ERCC6: variants seen among roughly 807,000 people sequenced by gnomAD.
ERCC6 encodes the protein ERCC excision repair 6, chromatin remodeling factor, also known as DNA excision repair protein ERCC-6.
A neutral mutation model predicts 158.7 loss-of-function variants in ERCC6; 116 were observed. The observed-to-expected ratio is 0.73, with a 90% CI of 0.63 to 0.85. ERCC6 has a LOEUF of 0.85. Among genes scored for constraint, ERCC6 ranks in the 40% least tolerant of loss-of-function variants. The pLI, the probability that ERCC6 is intolerant of heterozygous loss-of-function variation, is 0.00. For missense variants in ERCC6, 1,698 were observed against 1,799.4 expected, an observed-to-expected ratio of 0.94 and a Z score of 1.02; for synonymous variants, 678 against 659.3, an observed-to-expected ratio of 1.03 and a Z score of -0.43.
intron 10 of ERCC6, among the ~76,000 whole-genome samples, chr10:49,481,656 C>T (rs1206333640): frequency 1.3e-5 from 2 of 152,318 alleles, no homozygotes; most frequent in East Asian, 3.9e-4. Flanking sequence ...CTATGGCTAA[C>T]TTCACCTCCT....
chr10:49,441,116 T>C, the ERCC6 span, among the ~76,000 whole-genome samples: 6 of 152,240 alleles, frequency 3.9e-5, no homozygotes, highest in Non-Finnish European at 5.9e-5. Flanking sequence ...CTGGTTTCAG[T>C]TGACAAAATA....
Position 49,470,880 on chromosome 10 carries a change from G to C in ERCC6, c.3080C>G (p.Ser1027Ter). The change falls in exon 18 of 21, where the codon TCA becomes TGA. Residue 1027 changes from serine to a stop codon, truncating the protein, a stop_gained. Coordinates refer to ENST00000355832, the MANE Select transcript of ERCC6 (RefSeq NM_000124.4). LOFTEE classifies it high-confidence loss of function. ...ATGGCATTTGGGTGTCTGAACATCT[G>C]ATCCAGTTCCTGTAAAGAGGAAAAA... Reference protein sequence around the residue: ...ETSAIFAGTGSDVQTPKCHLK... With the variant: ...ETSAIFAGTG 1.9e-6 allele frequency: 3 copies of C among 1,613,744 alleles called. No individual in the cohort carries two copies. Among genetic ancestry groups the C allele is most frequent in the Non-Finnish European group, 2.5e-6 (3 of 1,179,804 alleles).
chr10:49,497,462 A>T (rs1409430472), intron 7 of ERCC6, among the ~76,000 whole-genome samples: 1 of 152,236 alleles, frequency 6.6e-6, no homozygotes, highest in Non-Finnish European at 1.5e-5. Flanking sequence ...TGCTACATTG[A>T]TGACTCACAT....
chr10:49,486,709 C>A (rs909873832), intron 8 of ERCC6, among the ~76,000 whole-genome samples: 3 of 152,144 alleles, frequency 2.0e-5, no homozygotes. Flanking sequence ...ACCAACAGAA[C>A]AAACCAATAC....
In ERCC6 at chr10:49,530,832, G is replaced by A. The variant is rs149382642; in HGVS notation, c.431C>T (p.Thr144Met). The A allele has an allele frequency of 1.5e-4, 242 of 1,613,190 alleles. 1 individual carries two copies. In the South Asian group the frequency reaches 1.8e-3, roughly 12 times the overall value. ...RSVLDDLTSCTTSLRQINKII... is the reference protein window; with the variant it reads ...RSVLDDLTSCMTSLRQINKII... ...TTTATTGATTTGCCTTAGGGATGTC[G>A]TACATGACCTGAAAAATAAGATAAA... Residue 144 changes from threonine (T) to methionine (M), a missense_variant, in exon 3 of 21, where the codon ACG (threonine) becomes ATG (methionine). Physicochemically the swap from Thr to Met is moderately conservative, Grantham distance 81. Transcript: ENST00000355832.
the ERCC6 span, among the ~76,000 whole-genome samples, chr10:49,449,041 T>C: frequency 6.6e-6 from 1 of 152,234 alleles, no homozygotes; most frequent in African/African-American, 2.4e-5. Context: ...GTTTAATCAT[T>C]TGAGAAATTG....
intron 1 of ERCC6, among the ~76,000 whole-genome samples, chr10:49,536,319 G>A (rs1328003848): frequency 6.6e-6 from 1 of 152,040 alleles, no homozygotes; most frequent in Non-Finnish European, 1.5e-5. Context: ...GAGAACTAGG[G>A]CAAGAAAAAC....
the ERCC6 span, among the ~76,000 whole-genome samples, chr10:49,444,136 C>G: frequency 2.6e-5 from 4 of 152,182 alleles, no homozygotes; most frequent in Non-Finnish European, 5.9e-5. Flanking sequence ...CTTCCCCTGC[C>G]CTTGCCATGC....
At chr10:49,486,383 G>C (rs897310505) in intron 8 of ERCC6, among the ~76,000 whole-genome samples, 5 of 152,056 alleles carry the variant, frequency 3.3e-5, no homozygotes, top group Non-Finnish European at 5.9e-5. Context: ...AAATCAAAGA[G>C]AGCAGTCAAC....
At chr10:49,516,470 A>G (rs560543257) in intron 5 of ERCC6, 1 of 1,614,106 alleles carries the variant, frequency 6.2e-7, no homozygotes, top group Non-Finnish European at 8.5e-7. Context: ...GTCTCATGGC[A>G]GCACTAACCA....
chr10:49,513,998 A>G (rs558749127), intron 5 of ERCC6, among the ~76,000 whole-genome samples: 2 of 152,296 alleles, frequency 1.3e-5, no homozygotes, highest in East Asian at 3.9e-4. Context: ...ACTGTCTTCA[A>G]AAAAGTATTT....
intron 12 of ERCC6, among the ~76,000 whole-genome samples, chr10:49,475,930 C>G (rs1242007114): frequency 6.6e-6 from 1 of 152,182 alleles, no homozygotes; most frequent in Non-Finnish European, 1.5e-5. Context: ...AGGTAAGACC[C>G]TCGGAAGTAA....
At chr10:49,473,671 C>T (rs1022429748) in intron 13 of ERCC6, 84 bp from the exon 14 acceptor site, 6 of 829,248 alleles carry the variant, frequency 7.2e-6, no homozygotes, top group Non-Finnish European at 1.3e-5. Flanking sequence ...ATGGTAACAC[C>T]TTCCCCAACA....
Position 49,459,155 on chromosome 10 carries a change from G to A in ERCC6, c.4142C>T (p.Ser1381Phe). Residue 1381 changes from serine (S) to phenylalanine (F), a missense_variant, in exon 21 of 21, where the codon TCC (serine) becomes TTC (phenylalanine). Transcript: ENST00000355832. ...SGRAEDADSS[S>F]GPLASSSLLA... is the part of the protein sequence containing the mutation. The stretch of plus-strand genomic sequence containing the variant: ...GAGTGAGGAGGAAGCGAGGGGCCCG[G>A]ATGAAGAGTCTGCATCTTCTGCTCT... The A allele has an allele frequency of 6.2e-7, 1 of 1,614,204 alleles. No individual in the cohort carries two copies. The highest frequency in any genetic ancestry group is 1.3e-5 in the African/African-American group (1 of 75,038).
chr10:49,513,131 T>G (rs890185030), intron 5 of ERCC6, among the ~76,000 whole-genome samples: 1 of 152,150 alleles, frequency 6.6e-6, no homozygotes, highest in Non-Finnish European at 1.5e-5. Flanking sequence ...CCAAATATCT[T>G]ATACATATCA....
In ERCC6 at chr10:49,473,486, T is replaced by C. The variant is rs1396791671; in HGVS notation, c.2700A>G (p.Arg900=). Residue 900 remains arginine (R), a synonymous_variant, in exon 14 of 21, where the codon AGA becomes AGG. Coordinates refer to ENST00000355832, the MANE Select transcript of ERCC6 (RefSeq NM_000124.4). ...TACATTCACATGTTACCTCATTGTA[T>C]CTCGTAATCAGTGGCTGTCTTGAAG... is the stretch of plus-strand genomic sequence containing the variant. ...TIASRQPLIT[R]YNEDTSIFVF... The C allele has an allele frequency of 1.9e-6, 3 of 1,597,596 alleles. No homozygotes were observed. Among genetic ancestry groups the C allele is most frequent in the Non-Finnish European group, 2.6e-6 (3 of 1,164,808 alleles).
intron 3 of ERCC6, among the ~76,000 whole-genome samples, chr10:49,529,053 T>A (rs1837408286): frequency 6.6e-6 from 1 of 152,098 alleles, no homozygotes; most frequent in African/African-American, 2.4e-5. Flanking sequence ...AAGAAAAAAA[T>A]ATATCTTGCC....
At chr10:49,477,862 A>G (rs1850906429) in intron 11 of ERCC6, among the ~76,000 whole-genome samples, 1 of 152,030 alleles carries the variant, frequency 6.6e-6, no homozygotes, top group African/African-American at 2.4e-5. Context: ...ACCCTTACAA[A>G]TGGCCCACTT....
chr10:49,452,879 C>T (rs1398936581), downstream of ERCC6, among the ~76,000 whole-genome samples: 2 of 152,034 alleles, frequency 1.3e-5, no homozygotes, highest in Non-Finnish European at 2.9e-5. Context: ...CTAGTATAGC[C>T]AGTCCAGCTT....
Sources: gnomAD v4.1 joint callset for allele counts (sites outside exome capture counted in the v4.1 genomes callset) on GRCh38, gnomAD v4.1.1 for gene constraint, MANE v1.5 for transcripts, NCBI Gene and HGNC (gene_info 2026-07-23, HGNC 2026-07-21) for gene names.